Variants in ROBO1 observed in about 807,000 individuals in gnomAD.
The protein encoded by ROBO1 is roundabout homolog 1.
ROBO1 carries 149 observed loss-of-function variants against 195.9 expected under a neutral mutation model. The observed-to-expected ratio is 0.76, with a 90% CI of 0.67 to 0.87. The LOEUF is 0.87. Ranked by LOEUF, ROBO1 falls within the 40% of genes least tolerant of loss-of-function variation. The probability of loss-of-function intolerance (pLI) is 0.00; values close to 1 mark genes in which losing one functional copy is unlikely to be tolerated. For synonymous variants in ROBO1, 816 were observed against 733.2 expected, an observed-to-expected ratio of 1.11 and a Z score of -1.82; for missense variants, 1,933 against 2,068.3, an observed-to-expected ratio of 0.93 and a Z score of 1.27.
intron 2 of ROBO1, among the ~76,000 whole-genome samples, chr3:79,211,502 G>C (rs1327821352): frequency 6.6e-6 from 1 of 152,002 alleles, no homozygotes; most frequent in Non-Finnish European, 1.5e-5. Context: ...GTAGGGAAAG[G>C]TGACTATAAA....
intron 2 of ROBO1, among the ~76,000 whole-genome samples, chr3:79,137,290 T>C (rs541360314): frequency 6.6e-5 from 10 of 152,142 alleles, no homozygotes; most frequent in Non-Finnish European, 1.2e-4. Context: ...AGAAAAAAAG[T>C]CAGAGTAGTT....
At chr3:78,778,330 A>G (rs146886195) in intron 4 of ROBO1, among the ~76,000 whole-genome samples, 20 of 151,254 alleles carry the variant, frequency 1.3e-4, no homozygotes, top group African/African-American at 4.9e-4. Context: ...GTTTGGTATC[A>G]GGATGATGCT....
At chr3:78,705,438 C>T (rs1450023763) in intron 8 of ROBO1, among the ~76,000 whole-genome samples, 1 of 152,138 alleles carries the variant, frequency 6.6e-6, no homozygotes, top group African/African-American at 2.4e-5. Context: ...ACTCATTTTT[C>T]AACAGATGAG....
intron 2 of ROBO1, among the ~76,000 whole-genome samples, chr3:79,253,043 T>A (rs1212675642): frequency 6.6e-6 from 1 of 152,156 alleles, no homozygotes; most frequent in Non-Finnish European, 1.5e-5. Context: ...CTTTTTAATA[T>A]GAAAAATACA....
At chr3:79,492,793 A>T (rs1939534722) in intron 2 of ROBO1, among the ~76,000 whole-genome samples, 1 of 152,084 alleles carries the variant, frequency 6.6e-6, no homozygotes, top group Non-Finnish European at 1.5e-5. Context: ...TTCTAATTCT[A>T]CTGGAATTAA....
At chr3:79,767,662 CCAA>C (rs1180360789) in intron 1 of ROBO1, 87 bp downstream of exon 1, 1 of 152,220 alleles carries the variant, frequency 6.6e-6, no homozygotes, top group Non-Finnish European at 1.5e-5. Flanking sequence ...ATTCTGCACT[CCAA>C]CAACCACTAG....
chr3:79,649,900 T>TTC (rs1433580172), intron 1 of ROBO1, among the ~76,000 whole-genome samples: 1 of 152,020 alleles, frequency 6.6e-6, no homozygotes, highest in Non-Finnish European at 1.5e-5. Flanking sequence ...ATCTTATTGG[T>TTC]TCTGTTTCTC....
intron 4 of ROBO1, among the ~76,000 whole-genome samples, chr3:78,903,509 T>C (rs1372426080): frequency 2.0e-5 from 3 of 151,142 alleles, no homozygotes; most frequent in African/African-American, 4.9e-5. Context: ...AAAGAACAAA[T>C]TTAGATTTAC....
At chr3:79,500,660 C>T (rs1002775515) in intron 2 of ROBO1, among the ~76,000 whole-genome samples, 1 of 152,152 alleles carries the variant, frequency 6.6e-6, no homozygotes, top group Non-Finnish European at 1.5e-5. Flanking sequence ...TTTCATTAAT[C>T]AATTTTCAAG....
At chr3:78,847,337 G>A (rs186064104) in intron 4 of ROBO1, among the ~76,000 whole-genome samples, 191 of 152,246 alleles carry the variant, frequency 1.3e-3, no homozygotes, top group African/African-American at 4.3e-3. Context: ...ATAGGGACCA[G>A]AAATGTGTCA....
At chr3:79,083,397 T>A (rs2079311162) in intron 3 of ROBO1, among the ~76,000 whole-genome samples, 1 of 152,214 alleles carries the variant, frequency 6.6e-6, no homozygotes, top group South Asian at 2.1e-4. Context: ...ATTGTTGTGC[T>A]ATATATAGAT....
chr3:78,869,046 T>C (rs952859285), intron 4 of ROBO1, among the ~76,000 whole-genome samples: 21 of 152,082 alleles, frequency 1.4e-4, no homozygotes, highest in Non-Finnish European at 2.5e-4. Context: ...AGAGTAAGAA[T>C]AAAAAAATTA....
At chr3:78,906,543 A>C (rs899777741) in intron 4 of ROBO1, among the ~76,000 whole-genome samples, 1 of 152,132 alleles carries the variant, frequency 6.6e-6, no homozygotes, top group Non-Finnish European at 1.5e-5. Context: ...ATTTTTCTTA[A>C]GATAAGCAAC....
At chr3:79,568,006 G>A (rs938317966) in intron 2 of ROBO1, among the ~76,000 whole-genome samples, 6 of 151,828 alleles carry the variant, frequency 4.0e-5, no homozygotes, top group Admixed American at 1.3e-4. Context: ...CTTCTTCTAC[G>A]GCTAATGAAA....
At chr3:78,934,755 A>T (rs1006316315) in intron 4 of ROBO1, among the ~76,000 whole-genome samples, 36 of 151,966 alleles carry the variant, frequency 2.4e-4, no homozygotes, top group South Asian at 1.7e-3. Flanking sequence ...TATTGAACAA[A>T]TCTTTCCTTC....
intron 2 of ROBO1, among the ~76,000 whole-genome samples, chr3:79,203,060 G>T (rs116589865): frequency 1.4e-4 from 22 of 152,186 alleles, no homozygotes; most frequent in African/African-American, 4.6e-4. Flanking sequence ...GGTGTTGCAA[G>T]GATTAATAAA....
chr3:79,401,476 G>A (rs1354699962), intron 2 of ROBO1, among the ~76,000 whole-genome samples: 1 of 151,782 alleles, frequency 6.6e-6, no homozygotes, highest in Non-Finnish European at 1.5e-5. Context: ...TAATAAATGA[G>A]GGAAAATTAA....
intron 1 of ROBO1, among the ~76,000 whole-genome samples, chr3:79,713,831 C>A (rs1034434239): frequency 2.6e-5 from 4 of 152,130 alleles, no homozygotes; most frequent in Non-Finnish European, 5.9e-5. Flanking sequence ...GTTTTCCCAG[C>A]ACCATTTATT....
chr3:79,250,897 A>T (rs1339399915), intron 2 of ROBO1, among the ~76,000 whole-genome samples: 1 of 152,132 alleles, frequency 6.6e-6, no homozygotes, highest in East Asian at 1.9e-4. Flanking sequence ...TCTACTAAAA[A>T]TACAAAAATT....
Sources: allele counts gnomAD v4.1 joint callset (sites outside exome capture counted in the v4.1 genomes callset), GRCh38; gene constraint gnomAD v4.1.1; transcripts MANE v1.5; gene names NCBI Gene and HGNC (gene_info 2026-07-23, HGNC 2026-07-21).